FRMD6: variants seen among roughly 807,000 people sequenced by gnomAD.
FRMD6 encodes FERM domain-containing protein 6.
FRMD6 carries 37 observed loss-of-function variants against 73.2 expected under a neutral mutation model. The ratio of observed to expected loss-of-function variants is 0.51; its 90% CI spans 0.39 to 0.66. FRMD6 has a LOEUF of 0.66. Ranked by LOEUF, FRMD6 falls within the 30% of genes least tolerant of loss-of-function variation. The probability of loss-of-function intolerance (pLI) is 0.00; values close to 1 mark genes in which losing one functional copy is unlikely to be tolerated. For synonymous variants in FRMD6, 273 were observed against 282.2 expected (o/e 0.97, Z 0.33); for missense variants, 714 against 780.5 (o/e 0.91, Z 1.02).
chr14:51,695,719 T>G, intron 2 of FRMD6, among the ~76,000 whole-genome samples: 1 of 152,178 alleles, frequency 6.6e-6, no homozygotes, highest in East Asian at 1.9e-4. Context: ...TGTTCCTGCA[T>G]GAGTTCCTGG....
chr14:51,535,833 T>TATCCAC (rs1200092844), intron 1 of FRMD6, among the ~76,000 whole-genome samples: 2 of 152,076 alleles, frequency 1.3e-5, no homozygotes, highest in African/African-American at 4.8e-5. Context: ...GGTTCCAATT[T>TATCCAC]ATCCACATCC....
chr14:51,472,942 A>G, the FRMD6 span, among the ~76,000 whole-genome samples: 1 of 152,252 alleles, frequency 6.6e-6, no homozygotes, highest in Admixed American at 6.5e-5. Flanking sequence ...TTGTCCCTAC[A>G]TGTGATAAGA....
chr14:51,605,050 G>A (rs1331361469), intron 2 of FRMD6, among the ~76,000 whole-genome samples: 1 of 151,454 alleles, frequency 6.6e-6, no homozygotes, highest in Non-Finnish European at 1.5e-5. Context: ...GCTTTGTGAA[G>A]TTCCCTGTAT....
chr14:51,688,631 G>T (rs543994892), intron 1 of FRMD6, among the ~76,000 whole-genome samples: 1 of 152,148 alleles, frequency 6.6e-6, no homozygotes, highest in East Asian at 1.9e-4. Context: ...AGTCTTTTAC[G>T]TCCTACAAAT....
the FRMD6 span, among the ~76,000 whole-genome samples, chr14:51,478,046 T>C: frequency 4.6e-5 from 7 of 152,354 alleles, no homozygotes; most frequent in South Asian, 1.0e-3. Flanking sequence ...ACTGTTTTTT[T>C]CTATAGCATG....
chr14:51,711,605 A>G lies in FRMD6; in HGVS notation c.780+9A>G. 1 of 1,591,440 alleles carries G rather than the reference A, an allele frequency of 6.3e-7. No homozygotes were observed. Among genetic ancestry groups the G allele is most frequent in the Non-Finnish European group, 8.6e-7 (1 of 1,160,052 alleles). On this transcript the variant is annotated intron_variant, in intron 8 of 13. Coordinates refer to ENST00000344768, the MANE Select transcript of FRMD6 (RefSeq NM_001267046.2). ...GAATACAGATTTTTCAGGTTGGTAA[A>G]TGAGAATTGTGTCAAATGCTGTCAG...
intron 1 of FRMD6, among the ~76,000 whole-genome samples, chr14:51,535,154 G>C (rs1235149348): frequency 6.6e-6 from 1 of 152,074 alleles, no homozygotes; most frequent in Non-Finnish European, 1.5e-5. Context: ...ATGGCTTCCA[G>C]GGTCCTCAAA....
At position 51,687,836 on chromosome 14, in the gene FRMD6, A is replaced by G. The variant is rs566375040; in HGVS notation, c.-146-1855A>G. Among the ~76,000 whole-genome samples, 12 of 152,110 alleles carry G rather than the reference A, an allele frequency of 7.9e-5. No homozygotes were observed. In the East Asian group the frequency reaches 1.5e-3, roughly 20 times the overall value. ...TATAAAGATGATGTGATATTCACCT[A>G]TATTACTTTTTCCCAATTCTCTATC... is the stretch of plus-strand genomic sequence containing the variant. On this transcript the variant is annotated intron_variant, in intron 1 of 13. Transcript: ENST00000344768.
intron 2 of FRMD6, among the ~76,000 whole-genome samples, chr14:51,641,516 C>T (rs750950838): frequency 2.6e-5 from 4 of 152,058 alleles, no homozygotes; most frequent in Non-Finnish European, 4.4e-5. Flanking sequence ...GTGTACTGAA[C>T]GTCTTGGGGC....
At chr14:51,535,450 G>T (rs770591518) in intron 1 of FRMD6, among the ~76,000 whole-genome samples, 2 of 152,128 alleles carry the variant, frequency 1.3e-5, no homozygotes, top group Non-Finnish European at 2.9e-5. Context: ...TATCTCCACA[G>T]ATTTGCCTAT....
the FRMD6 span, among the ~76,000 whole-genome samples, chr14:51,478,820 C>G: frequency 6.6e-6 from 1 of 152,252 alleles, no homozygotes; most frequent in Non-Finnish European, 1.5e-5. Context: ...CTATCTTTAG[C>G]CTAAATCATA....
At chr14:51,421,333 A>G in the FRMD6 span, among the ~76,000 whole-genome samples, 1 of 152,334 alleles carries the variant, frequency 6.6e-6, no homozygotes, top group East Asian at 1.9e-4. Context: ...GCAGGAAAAT[A>G]AGTTGAAAAA....
rs139584641 is a variant in FRMD6, at chr14:51,701,069, G to C, written c.204G>C (p.Val68=). The C allele has an allele frequency of 6.5e-7, 1 of 1,549,662 alleles. No homozygotes were observed. The highest frequency in any genetic ancestry group is 8.8e-7 in the Non-Finnish European group (1 of 1,137,150). The part of the protein sequence containing the change: ...GLSVIQNNEH[V]YMELSQKLYK... The stretch of plus-strand genomic sequence containing the variant: ...TTTAATGTACAGATAATGAACATGT[G>C]TATATGGAGTTGTCACAAAAGCTTT... Residue 68 remains valine, a synonymous_variant, in exon 4 of 14, where the codon GTG becomes GTC. Transcript: ENST00000344768.
intron 2 of FRMD6, among the ~76,000 whole-genome samples, chr14:51,580,252 G>A (rs1888645944): frequency 6.6e-6 from 1 of 152,114 alleles, no homozygotes; most frequent in South Asian, 2.1e-4. Context: ...CATTGGAAAT[G>A]GACAGGCTCT....
At chr14:51,604,589 G>C (rs540403986) in intron 2 of FRMD6, among the ~76,000 whole-genome samples, 4 of 152,138 alleles carry the variant, frequency 2.6e-5, no homozygotes, top group Non-Finnish European at 5.9e-5. Context: ...TGGGGGAATA[G>C]ATGCTAAGAG....
the FRMD6 span, among the ~76,000 whole-genome samples, chr14:51,401,239 A>G: frequency 1.6e-4 from 24 of 152,348 alleles, no homozygotes; most frequent in African/African-American, 5.1e-4. Context: ...CATGGCAGAA[A>G]AACACCTTCC....
intron 2 of FRMD6, among the ~76,000 whole-genome samples, chr14:51,594,338 A>ATTTATTTATTTTTTTT (rs894725911): frequency 8.5e-6 from 1 of 117,804 alleles, no homozygotes; most frequent in African/African-American, 2.9e-5. Context: ...TTATTTATTT[A>ATTTATTTATTTTTTTT]TTTTTTTGAG....
intron 1 of FRMD6, among the ~76,000 whole-genome samples, chr14:51,528,733 T>G (rs974543105): frequency 6.6e-5 from 10 of 152,182 alleles, no homozygotes; most frequent in African/African-American, 2.4e-4. Flanking sequence ...AGGAAATCAT[T>G]TGATAGTTCT....
the FRMD6 span, among the ~76,000 whole-genome samples, chr14:51,405,030 G>T: frequency 9.2e-5 from 14 of 152,018 alleles, no homozygotes; most frequent in African/African-American, 3.4e-4. Flanking sequence ...TGCGGTATTC[G>T]GTTTTCTGTC....
Sources: gnomAD v4.1 joint callset for allele counts (sites outside exome capture counted in the v4.1 genomes callset) on GRCh38, gnomAD v4.1.1 for gene constraint, MANE v1.5 for transcripts, NCBI Gene and HGNC (gene_info 2026-07-23, HGNC 2026-07-21) for gene names.